Variants in GREB1 observed in about 807,000 individuals in gnomAD.
GREB1 encodes the protein protein GREB1.
In GREB1, 106 loss-of-function variants were observed where a neutral mutation model predicts 200.7. The ratio of observed to expected loss-of-function variants is 0.53; its 90% CI spans 0.45 to 0.62. GREB1 has a LOEUF of 0.62. GREB1 is among the 20% of genes least tolerant of loss of function. GREB1 has a pLI of 0.00. For synonymous variants in GREB1, 1,132 were observed against 1,092.4 expected, an observed-to-expected ratio of 1.04 and a Z score of -0.72; for missense variants, 2,243 against 2,556.8, an observed-to-expected ratio of 0.88 and a Z score of 2.65.
At chr2:11,496,410 C>T (rs112753294) in intron 1 of GREB1, among the ~76,000 whole-genome samples, 3 of 152,290 alleles carry the variant, frequency 2.0e-5, no homozygotes, top group African/African-American at 7.2e-5. Context: ...CCCTTGGATG[C>T]TCCCTTCTAA....
chr2:11,627,290 G>A (rs1005534569), intron 25 of GREB1, among the ~76,000 whole-genome samples, 186 bp downstream of exon 25: 12 of 152,158 alleles, frequency 7.9e-5, no homozygotes, highest in African/African-American at 2.9e-4. Flanking sequence ...GAGCACCACG[G>A]TTCTCCTGGG....
At chr2:11,613,633 G>T (rs1417905880) in intron 19 of GREB1, among the ~76,000 whole-genome samples, 5 of 152,166 alleles carry the variant, frequency 3.3e-5, no homozygotes, top group Non-Finnish European at 7.4e-5. Context: ...ATTTGACCTT[G>T]CTTGTTGCTA....
At chr2:11,507,550 A>C (rs773018302) in intron 1 of GREB1, among the ~76,000 whole-genome samples, 12 of 152,230 alleles carry the variant, frequency 7.9e-5, no homozygotes, top group Non-Finnish European at 1.8e-4. Context: ...AAGAGTGAAC[A>C]TGCAAACTGT....
At chr2:11,575,502 G>T (rs1471123168) in intron 4 of GREB1, among the ~76,000 whole-genome samples, 1 of 152,224 alleles carries the variant, frequency 6.6e-6, no homozygotes, top group Non-Finnish European at 1.5e-5. Flanking sequence ...TCTCACAGCT[G>T]ATGGAAGCCT....
chr2:11,502,379 C>T (rs1437924990), intron 1 of GREB1, among the ~76,000 whole-genome samples: 1 of 151,202 alleles, frequency 6.6e-6, no homozygotes, highest in East Asian at 1.9e-4. Context: ...CACCACCAGA[C>T]CTGGCTAATT....
intron 1 of GREB1, among the ~76,000 whole-genome samples, chr2:11,506,264 C>T (rs1310831534): frequency 6.6e-6 from 1 of 152,124 alleles, no homozygotes; most frequent in Non-Finnish European, 1.5e-5. Flanking sequence ...CCTTGAGAAG[C>T]GTGGTTTGGT....
At chr2:11,485,276 T>TATA (rs1491126303) in intron 1 of GREB1, among the ~76,000 whole-genome samples, 1 of 4,622 alleles carries the variant, frequency 2.2e-4, no homozygotes, top group African/African-American at 2.3e-4. Flanking sequence ...TATATATGTA[T>TATA]TTTTTTTTTT....
intron 16 of GREB1, 76 bp from the exon 17 acceptor site, chr2:11,602,330 G>T (rs558361928): frequency 3.6e-6 from 5 of 1,370,248 alleles, no homozygotes; most frequent in Non-Finnish European, 5.2e-6. Flanking sequence ...CAGGTCATCC[G>T]CAGGCCTGGC....
At position 11,580,948 on chromosome 2, in the gene GREB1, T is replaced by C. The variant is rs776156168; in HGVS notation, c.901+116T>C. The C allele has an allele frequency of 7.6e-7, 1 of 1,322,356 alleles. No individual in the cohort carries two copies. The highest frequency in any genetic ancestry group is 1.1e-6 in the Non-Finnish European group (1 of 931,050). The allele number at this position is 1,322,356 out of a possible 1,614,324, so 81.9% of individuals were successfully genotyped here. ...TGAGCCTCCTGGAGTCTGATGTGGCTTCCATGAGAGTCAGGCCAGGACCAC... is the reference window on the plus strand; with the variant it reads ...TGAGCCTCCTGGAGTCTGATGTGGCCTCCATGAGAGTCAGGCCAGGACCAC... On this transcript the variant is annotated intron_variant, in intron 7 of 32. Coordinates refer to ENST00000381486, the MANE Select transcript of GREB1 (RefSeq NM_014668.4). The surrounding 1 kb of genome is among the most constrained non-coding windows in gnomAD (Gnocchi z 4.5).
chr2:11,567,986 C>T (rs995769811), intron 4 of GREB1, among the ~76,000 whole-genome samples: 1 of 152,208 alleles, frequency 6.6e-6, no homozygotes, highest in African/African-American at 2.4e-5. Context: ...TCCGGCCCCT[C>T]CGTCTGGCCT....
Position 11,610,946 on chromosome 2 carries a change from G to A in GREB1, c.2925G>A (p.Ala975=), listed in dbSNP as rs200602887. The A allele has an allele frequency of 2.0e-5, 32 of 1,609,964 alleles. No homozygotes were observed. The highest frequency in any genetic ancestry group is 1.6e-4 in the Middle Eastern group (1 of 6,072). ...TGGCCCACGTGCGGGCCCGGCTGGC[G>A]CTGGAGGAGCACTTTGAGATCATCC... ...ERLAHVRARL[A]LEEHFEIILG... Residue 975 remains alanine, a synonymous_variant, in exon 18 of 33, where the codon GCG becomes GCA. Coordinates refer to ENST00000381486, the MANE Select transcript of GREB1 (RefSeq NM_014668.4).
chr2:11,508,064 C>T (rs1458605387), intron 1 of GREB1, among the ~76,000 whole-genome samples: 1 of 152,194 alleles, frequency 6.6e-6, no homozygotes, highest in Non-Finnish European at 1.5e-5. Flanking sequence ...TAGACAGCTT[C>T]TAGTCCATTT....
At chr2:11,608,691 G>A (rs1682635078) in intron 17 of GREB1, among the ~76,000 whole-genome samples, 1 of 152,182 alleles carries the variant, frequency 6.6e-6, no homozygotes, top group Non-Finnish European at 1.5e-5. Context: ...TGACTCCGAG[G>A]TGTTCCATAT....
intron 1 of GREB1, among the ~76,000 whole-genome samples, chr2:11,499,532 C>T (rs928332804): frequency 6.6e-6 from 1 of 152,236 alleles, no homozygotes; most frequent in African/African-American, 2.4e-5. Flanking sequence ...AAGAGCAGAT[C>T]AATAATATTT....
At chr2:11,563,906 A>C (rs1452016610) in intron 3 of GREB1, among the ~76,000 whole-genome samples, 1 of 152,206 alleles carries the variant, frequency 6.6e-6, no homozygotes, top group South Asian at 2.1e-4. Context: ...TACTTTGCAC[A>C]CAGTTGGGAG....
At chr2:11,626,327 C>G (rs966184010) in intron 24 of GREB1, among the ~76,000 whole-genome samples, 1 of 152,074 alleles carries the variant, frequency 6.6e-6, no homozygotes, top group African/African-American at 2.4e-5. Flanking sequence ...GTGGCTCACG[C>G]CTGTAATCTC....
At chr2:11,608,464 C>A (rs186199212) in intron 17 of GREB1, among the ~76,000 whole-genome samples, 3 of 152,186 alleles carry the variant, frequency 2.0e-5, no homozygotes, top group East Asian at 3.9e-4. Flanking sequence ...GAATACCAGA[C>A]GTTGTTAATT....
chr2:11,509,510 C>T (rs997423834), intron 1 of GREB1, among the ~76,000 whole-genome samples: 14 of 152,200 alleles, frequency 9.2e-5, no homozygotes, highest in Non-Finnish European at 1.8e-4. Flanking sequence ...CGTTATCACA[C>T]CTAAAAAACA....
chr2:11,613,839 G>A (rs1234511445), intron 19 of GREB1, among the ~76,000 whole-genome samples: 1 of 152,142 alleles, frequency 6.6e-6, no homozygotes, highest in Non-Finnish European at 1.5e-5. Flanking sequence ...TTTCATGGTT[G>A]AGTCAATGAA....
Sources: allele counts gnomAD v4.1 joint callset (sites outside exome capture counted in the v4.1 genomes callset), GRCh38; gene constraint gnomAD v4.1.1; non-coding constraint Gnocchi (gnomAD v3.1); transcripts MANE v1.5; gene names NCBI Gene and HGNC (gene_info 2026-07-23, HGNC 2026-07-21).